NCOA7: variants seen among roughly 807,000 people sequenced by gnomAD.
NCOA7 encodes the protein nuclear receptor coactivator 7.
NCOA7 carries 45 observed loss-of-function variants against 104.3 expected under a neutral mutation model. The ratio of observed to expected loss-of-function variants is 0.43; its 90% CI spans 0.34 to 0.55. The LOEUF is 0.55. Among genes scored for constraint, NCOA7 ranks in the 20% least tolerant of loss-of-function variants. The pLI, the probability that NCOA7 is intolerant of heterozygous loss-of-function variation, is 0.02. For synonymous variants in NCOA7, 398 were observed against 402.3 expected, an observed-to-expected ratio of 0.99 and a Z score of 0.13; for missense variants, 1,041 against 1,119.7, an observed-to-expected ratio of 0.93 and a Z score of 1.00.
chr6:125,798,802 G>A (rs1188332964), intron 1 of NCOA7, among the ~76,000 whole-genome samples: 1 of 151,822 alleles, frequency 6.6e-6, no homozygotes, highest in Non-Finnish European at 1.5e-5. Context: ...GATAATTATT[G>A]AACATTATTA....
intron 10 of NCOA7, chr6:125,913,654 ACT>A (rs748375575): frequency 2.4e-5 from 24 of 984,094 alleles, no homozygotes; most frequent in Middle Eastern, 5.2e-4. Context: ...TTGAAGGAGA[ACT>A]CTCTAAAGAA....
At chr6:125,883,486 A>C (rs1319667116) in intron 7 of NCOA7, among the ~76,000 whole-genome samples, 1 of 152,138 alleles carries the variant, frequency 6.6e-6, no homozygotes, top group Non-Finnish European at 1.5e-5. Context: ...ATTACCTAAA[A>C]AGAAACTCCA....
chr6:125,860,802 C>T (rs1353167137), intron 3 of NCOA7, among the ~76,000 whole-genome samples: 1 of 151,976 alleles, frequency 6.6e-6, no homozygotes, highest in African/African-American at 2.4e-5. Flanking sequence ...AGCTGTGCAG[C>T]CATAAGATTG....
intron 1 of NCOA7, among the ~76,000 whole-genome samples, chr6:125,804,153 G>A (rs1453804642): frequency 6.6e-6 from 1 of 152,148 alleles, no homozygotes; most frequent in Admixed American, 6.5e-5. Context: ...TCTTTGGACC[G>A]GAGCTAGAAT....
In NCOA7 at chr6:125,907,577, G is replaced by A. The variant is rs1473785742; in HGVS notation, c.2097-7756G>A. The stretch of plus-strand genomic sequence containing the variant: ...TTTATTAATGAAACCTAAAGCCAAG[G>A]AAGTAGTTGGCCCATACTATGACAT... On this transcript the variant is annotated intron_variant, in intron 10 of 15. Transcript: ENST00000392477. Among the ~76,000 whole-genome samples, 12 of 152,140 alleles carry A rather than the reference G, an allele frequency of 7.9e-5. No individual in the cohort carries two copies. The East Asian group carries it at 2.3e-3, about 29-fold the overall frequency.
At chr6:125,845,221 AAAG>A (rs1321967482) in intron 2 of NCOA7, among the ~76,000 whole-genome samples, 1 of 152,162 alleles carries the variant, frequency 6.6e-6, no homozygotes, top group Non-Finnish European at 1.5e-5. Flanking sequence ...ACAGCCAAGA[AAAG>A]AACCAAGAGA....
intron 2 of NCOA7, among the ~76,000 whole-genome samples, chr6:125,848,020 A>T (rs1450743560): frequency 6.6e-6 from 1 of 152,248 alleles, no homozygotes; most frequent in African/African-American, 2.4e-5. Flanking sequence ...AAAAGAAGAC[A>T]TTTATGCAGC....
At chr6:125,924,767 C>G (rs1583563644) in intron 13 of NCOA7, among the ~76,000 whole-genome samples, 1 of 152,264 alleles carries the variant, frequency 6.6e-6, no homozygotes, top group East Asian at 1.9e-4. Flanking sequence ...CTTCCCTAAC[C>G]CCCCGCTGAG....
At position 125,878,263 on chromosome 6, in the gene NCOA7, G is replaced by A. The variant is rs143153057; in HGVS notation, c.352G>A (p.Ala118Thr). 2 of 1,603,614 alleles carry A rather than the reference G, an allele frequency of 1.2e-6. No homozygotes were observed. The highest frequency in any genetic ancestry group is 1.1e-5 in the South Asian group (1 of 88,576). Residue 118 changes from alanine to threonine, a missense_variant and splice_region_variant, in exon 5 of 16, where the codon GCT becomes ACT. Physicochemically the swap from Ala to Thr is moderately conservative, Grantham distance 58. Coordinates refer to ENST00000392477, the MANE Select transcript of NCOA7 (RefSeq NM_181782.5). Reference sequence around the variant, plus strand: ...ACTCTTACCTGTTTGATTATTCTAGGCTGGAAACCAGGACACCCTAAACTC... The same window carrying A: ...ACTCTTACCTGTTTGATTATTCTAGACTGGAAACCAGGACACCCTAAACTC... ...QKPHGTMEYT[A>T]GNQDTLNSIA...
At chr6:125,822,684 C>T (rs1367867285) in intron 2 of NCOA7, among the ~76,000 whole-genome samples, 1 of 152,082 alleles carries the variant, frequency 6.6e-6, no homozygotes, top group Non-Finnish European at 1.5e-5. Flanking sequence ...CCTGTAGTCC[C>T]AGCACTTTGG....
At chr6:125,839,411 C>T (rs964088304) in intron 2 of NCOA7, among the ~76,000 whole-genome samples, 2 of 152,110 alleles carry the variant, frequency 1.3e-5, no homozygotes, top group African/African-American at 2.4e-5. Flanking sequence ...AGCCACTGCG[C>T]GAGGCCTAGG....
At chr6:125,903,893 A>G (rs1785732083) in intron 10 of NCOA7, among the ~76,000 whole-genome samples, 1 of 151,992 alleles carries the variant, frequency 6.6e-6, no homozygotes, top group Non-Finnish European at 1.5e-5. Flanking sequence ...ATTTTAGTAG[A>G]TACAGGGTTT....
chr6:125,869,139 C>A (rs184712824), intron 3 of NCOA7, among the ~76,000 whole-genome samples: 1 of 152,154 alleles, frequency 6.6e-6, no homozygotes. Flanking sequence ...GATGTCTGTA[C>A]GGATTCTGTT....
chr6:125,853,158 C>T (rs1339853110), intron 2 of NCOA7, among the ~76,000 whole-genome samples: 2 of 151,496 alleles, frequency 1.3e-5, no homozygotes, highest in African/African-American at 4.8e-5. Context: ...TTTTTTTGTT[C>T]TCTTTCTTTT....
chr6:125,882,544 A>T lies in NCOA7; in HGVS notation c.692A>T (p.Asp231Val). Reference protein sequence around the residue: ...FLKMNCRYFTDGKGVVGGVMI... With the variant: ...FLKMNCRYFTVGKGVVGGVMI... Reference sequence around the variant, plus strand: ...AAAATGAATTGTCGATACTTCACCGATGGAAAGGTATATAGCAATGTAATT... The same window carrying T: ...AAAATGAATTGTCGATACTTCACCGTTGGAAAGGTATATAGCAATGTAATT... Residue 231 changes from aspartate to valine, a missense_variant, in exon 7 of 16, where the codon GAT becomes GTT. By Grantham distance (152) the Asp-to-Val change is radical. Around this residue, in one of 2 missense-constraint regions of NCOA7, gnomAD observed 914 missense variants for 942.7 expected, o/e 0.97. Coordinates refer to ENST00000392477, the MANE Select transcript of NCOA7 (RefSeq NM_181782.5). The T allele has an allele frequency of 6.2e-7, 1 of 1,612,666 alleles. No homozygotes were observed. The highest frequency in any genetic ancestry group is 1.7e-4 in the Middle Eastern group (1 of 6,036).
At position 125,865,783 on chromosome 6, in the gene NCOA7, C is replaced by T. The variant is rs1227370679; in HGVS notation, c.272-9106C>T. Reference sequence around the variant, plus strand: ...GGCTCAAGTGATGCTCCCACCTCAGCCTCCCAAGTAGCGGGGACTATAGGC... The same window carrying T: ...GGCTCAAGTGATGCTCCCACCTCAGTCTCCCAAGTAGCGGGGACTATAGGC... On this transcript the variant is annotated intron_variant, in intron 3 of 15. Transcript: ENST00000392477. 4.4e-5 allele frequency among the ~76,000 whole-genome samples: 6 copies of T among 137,170 alleles called. 2 individuals are homozygous for T. Among genetic ancestry groups the T allele is most frequent in the African/African-American group, 1.8e-4 (6 of 32,826 alleles). 90.0% of individuals were successfully genotyped at this position (137,170 alleles called of 152,430 possible). A position where few individuals can be genotyped will look rare whatever the true frequency, so the allele number is the denominator to read the frequency against.
intron 1 of NCOA7, among the ~76,000 whole-genome samples, chr6:125,784,839 G>C (rs1271835494): frequency 6.6e-6 from 1 of 152,198 alleles, no homozygotes; most frequent in African/African-American, 2.4e-5. Context: ...TGAAATTATA[G>C]AGATGGGAGA....
chr6:125,915,285 C>T (rs1185294303), intron 10 of NCOA7, 48 bp from the exon 11 acceptor site: 3 of 1,605,964 alleles, frequency 1.9e-6, no homozygotes, highest in Non-Finnish European at 2.6e-6. Context: ...TAGCACCTGC[C>T]AAGAAAGTGG....
intron 3 of NCOA7, among the ~76,000 whole-genome samples, chr6:125,859,012 T>C (rs1277510451): frequency 6.6e-6 from 1 of 152,088 alleles, no homozygotes; most frequent in African/African-American, 2.4e-5. Flanking sequence ...TTGCTAAGGA[T>C]TTGGGATTTA....
Sources: allele counts gnomAD v4.1 joint callset (sites outside exome capture counted in the v4.1 genomes callset), GRCh38; gene constraint gnomAD v4.1.1; regional missense constraint gnomAD v4.1.1; transcripts MANE v1.5; gene names NCBI Gene and HGNC (gene_info 2026-07-23, HGNC 2026-07-21).